The following WDR89 variants were observed in gnomAD, a reference collection of about 807,000 sequenced individuals.
The protein encoded by WDR89 is WD repeat domain 89, also known as WD repeat-containing protein 89.
In WDR89, 17 loss-of-function variants were observed where a neutral mutation model predicts 29.1. The observed-to-expected ratio is 0.58, with a 90% confidence interval of 0.40 to 0.88. The LOEUF is 0.88. WDR89 is among the 40% of genes least tolerant of loss of function. The probability of loss-of-function intolerance (pLI) is 0.00; values close to 1 mark genes in which losing one functional copy is unlikely to be tolerated. For synonymous variants in WDR89, 138 were observed against 157.8 expected, an observed-to-expected ratio of 0.87 and a Z score of 0.94; for missense variants, 396 against 456.3, an observed-to-expected ratio of 0.87 and a Z score of 1.20.
At position 63,624,938 on chromosome 14, in the gene WDR89, C is replaced by T. The variant is rs1217231444; in HGVS notation, c.-42G>A. ...TAAATACATACTTACCCAGCAAGCC[C>T]ACTTTTAGGTATTTACTCAAGAGAA... On this transcript the variant is annotated 5_prime_UTR_variant, in exon 2 of 3. Coordinates refer to ENST00000620954, the MANE Select transcript of WDR89 (RefSeq NM_080666.4). 6.6e-6 allele frequency: 1 copy of T among 152,094 alleles called. No individual in the cohort carries two copies. The highest frequency in any genetic ancestry group is 1.5e-5 in the Non-Finnish European group (1 of 68,032). 9.4% of individuals were successfully genotyped at this position (152,094 alleles called of 1,614,324 possible).
chr14:63,610,693 TTTTC>T (rs1881911106), intron 2 of WDR89, among the ~76,000 whole-genome samples: 1 of 149,880 alleles, frequency 6.7e-6, no homozygotes, highest in Non-Finnish European at 1.5e-5. Context: ...TATTCTTTTC[TTTTC>T]TTTTCTTTTT....
intron 1 of WDR89, among the ~76,000 whole-genome samples, chr14:63,627,834 T>C (rs954406392): frequency 2.6e-5 from 4 of 152,018 alleles, no homozygotes; most frequent in African/African-American, 9.7e-5. Context: ...ATGCCTGCAG[T>C]CCCAGCTACC....
rs1204184387 is a variant in WDR89 at position 63,599,392 on chromosome 14, T to C, written c.551A>G (p.Asn184Ser). 2 of 1,614,072 alleles carry C rather than the reference T, an allele frequency of 1.2e-6. No individual in the cohort carries two copies. The highest frequency in any genetic ancestry group is 2.2e-5 in the East Asian group (1 of 44,898). The change falls in exon 3 of 3, where the codon AAC (asparagine) becomes AGC (serine). Residue 184 changes from asparagine (N) to serine (S), a missense_variant. Asn to Ser is a conservative substitution (Grantham distance 46, BLOSUM62 1). Coordinates refer to ENST00000620954, the MANE Select transcript of WDR89 (RefSeq NM_080666.4). Reference sequence around the variant, plus strand: ...ATCAGATGAACCTGAGACTACCATGTTGGGATTGCTGGGATGGAAACGTAC... The same window carrying C: ...ATCAGATGAACCTGAGACTACCATGCTGGGATTGCTGGGATGGAAACGTAC... ...TQVRFHPSNPNMVVSGSSDGL... is the reference protein window; with the variant it reads ...TQVRFHPSNPSMVVSGSSDGL...
rs577573130 is a variant in WDR89 at position 63,603,628 on chromosome 14, T to A, written c.-31-3655A>T. Reference sequence around the variant, plus strand: ...CTTAAAAACTGTGTATCATAATCTATCGCTTTGTTGCTTTTTGATGCTCAA... The same window carrying A: ...CTTAAAAACTGTGTATCATAATCTAACGCTTTGTTGCTTTTTGATGCTCAA... On this transcript the variant is annotated intron_variant, in intron 2 of 2. Coordinates refer to ENST00000620954, the MANE Select transcript of WDR89 (RefSeq NM_080666.4). Among the ~76,000 whole-genome samples the A allele has an allele frequency of 7.9e-5, 12 of 152,350 alleles. No homozygotes were observed. In the South Asian group the frequency reaches 2.5e-3, roughly 32 times the overall value.
At chr14:63,626,477 G>C (rs1566798372) in intron 1 of WDR89, among the ~76,000 whole-genome samples, 1 of 151,484 alleles carries the variant, frequency 6.6e-6, no homozygotes, top group East Asian at 2.0e-4. Context: ...AAGAGTTTGA[G>C]ACCAGCCTGG....
chr14:63,620,199 C>A (rs1482370103), intron 2 of WDR89, among the ~76,000 whole-genome samples: 1 of 152,038 alleles, frequency 6.6e-6, no homozygotes, highest in Non-Finnish European at 1.5e-5. Context: ...CACCTGTCAT[C>A]CCAGCTACTC....
intron 2 of WDR89, among the ~76,000 whole-genome samples, chr14:63,623,442 G>A (rs892796696): frequency 1.3e-5 from 2 of 151,580 alleles, no homozygotes; most frequent in South Asian, 2.1e-4. Flanking sequence ...GGTGGTTCAC[G>A]CCTGTAATCC....
chr14:63,601,760 C>A (rs185174866), intron 2 of WDR89: 14 of 1,331,788 alleles, frequency 1.1e-5, no homozygotes, highest in Middle Eastern at 3.6e-4. Context: ...TTCTAGATGA[C>A]AAGGATTATT....
chr14:63,629,523 G>A (rs2139562760), intron 1 of WDR89, among the ~76,000 whole-genome samples: 1 of 152,292 alleles, frequency 6.6e-6, no homozygotes, highest in South Asian at 2.1e-4. Context: ...TCTTGACTTA[G>A]CGTTCAGGAT....
intron 1 of WDR89, among the ~76,000 whole-genome samples, chr14:63,636,973 T>C (rs759631518): frequency 3.3e-5 from 5 of 152,000 alleles, no homozygotes; most frequent in African/African-American, 4.8e-5. Context: ...ACAGAGTCAA[T>C]AGACAACAAC....
intron 2 of WDR89, among the ~76,000 whole-genome samples, chr14:63,616,735 T>C (rs1380050112): frequency 6.6e-6 from 1 of 152,172 alleles, no homozygotes; most frequent in African/African-American, 2.4e-5. Context: ...GTAAGAACTT[T>C]GAATTTTATT....
intron 1 of WDR89, among the ~76,000 whole-genome samples, chr14:63,632,379 C>G (rs1883463134): frequency 6.6e-6 from 1 of 152,010 alleles, no homozygotes; most frequent in African/African-American, 2.4e-5. Context: ...GCCCCTTATC[C>G]CAGCACCTTG....
chr14:63,613,397 G>A (rs1203165454), intron 2 of WDR89, among the ~76,000 whole-genome samples: 1 of 151,868 alleles, frequency 6.6e-6, no homozygotes, highest in Non-Finnish European at 1.5e-5. Context: ...AAAACTTAAA[G>A]TAAATTTCAA....
intron 2 of WDR89, among the ~76,000 whole-genome samples, chr14:63,611,213 T>G (rs1358055475): frequency 6.6e-6 from 1 of 151,750 alleles, no homozygotes; most frequent in East Asian, 1.9e-4. Flanking sequence ...GGCACACACT[T>G]GTAGTCCCAG....
intron 1 of WDR89, among the ~76,000 whole-genome samples, chr14:63,639,478 A>G (rs570560492): frequency 5.3e-5 from 8 of 152,296 alleles, no homozygotes; most frequent in African/African-American, 1.4e-4. Flanking sequence ...GGCAGAAAGA[A>G]TAAATGTGTG....
chr14:63,614,982 A>G (rs1394940371), intron 2 of WDR89, among the ~76,000 whole-genome samples: 1 of 152,358 alleles, frequency 6.6e-6, no homozygotes, highest in South Asian at 2.1e-4. Flanking sequence ...TGCATTAAAT[A>G]CATTAAAATT....
At chr14:63,600,425 G>T (rs1314318984) in intron 2 of WDR89, among the ~76,000 whole-genome samples, 1 of 151,990 alleles carries the variant, frequency 6.6e-6, no homozygotes, top group Non-Finnish European at 1.5e-5. Context: ...GAGACCAGAA[G>T]TTGAGACTAC....
At chr14:63,626,717 TCTTA>T (rs1395130824) in intron 1 of WDR89, among the ~76,000 whole-genome samples, 1 of 130,124 alleles carries the variant, frequency 7.7e-6, no homozygotes, top group Non-Finnish European at 1.6e-5. Context: ...AAAAGTTCCG[TCTTA>T]CTAACAGTTG....
chr14:63,602,422 C>T (rs1373342275), intron 2 of WDR89, among the ~76,000 whole-genome samples: 1 of 135,106 alleles, frequency 7.4e-6, no homozygotes, highest in Non-Finnish European at 1.5e-5. Flanking sequence ...AAGGTCTTGC[C>T]ACTGCACTCC....
Sources: gnomAD v4.1 joint callset for allele counts (sites outside exome capture counted in the v4.1 genomes callset) on GRCh38, gnomAD v4.1.1 for gene constraint, MANE v1.5 for transcripts, NCBI Gene and HGNC (gene_info 2026-07-23, HGNC 2026-07-21) for gene names.